CEP85L: variants seen among roughly 807,000 people sequenced by gnomAD.
The protein encoded by CEP85L is centrosomal protein 85L.
A neutral mutation model predicts 100.3 loss-of-function variants in CEP85L; 60 were observed. That is an observed-to-expected ratio of 0.60 (90% CI 0.49 to 0.74). The LOEUF (loss-of-function observed/expected upper bound fraction) is 0.74. Among genes scored for constraint, CEP85L ranks in the 30% least tolerant of loss-of-function variants. The pLI, the probability that CEP85L is intolerant of heterozygous loss-of-function variation, is 0.00. For synonymous variants in CEP85L, 319 were observed against 322.7 expected, an observed-to-expected ratio of 0.99 and a Z score of 0.12; for missense variants, 973 against 936.2, an observed-to-expected ratio of 1.04 and a Z score of -0.51.
chr6:118,605,932 T>C (rs1241317092), intron 2 of CEP85L, among the ~76,000 whole-genome samples: 1 of 149,894 alleles, frequency 6.7e-6, no homozygotes, highest in African/African-American at 2.5e-5. Context: ...GAGAATCGCT[T>C]GAACCCGGGA....
At chr6:118,501,920 G>A (rs1775331068) in intron 5 of CEP85L, 1 of 1,102,438 alleles carries the variant, frequency 9.1e-7, no homozygotes, top group Non-Finnish European at 1.3e-6. Flanking sequence ...AAGTTTAAAA[G>A]CAGTAATTTA....
At chr6:118,521,355 C>T (rs1482908450) in intron 4 of CEP85L, among the ~76,000 whole-genome samples, 3 of 152,076 alleles carry the variant, frequency 2.0e-5, no homozygotes, top group Non-Finnish European at 4.4e-5. Flanking sequence ...TTTTAAATGA[C>T]AGTTATGCTG....
intron 1 of CEP85L, among the ~76,000 whole-genome samples, chr6:118,675,770 T>C (rs1386722566): frequency 6.6e-6 from 1 of 150,904 alleles, no homozygotes; most frequent in Non-Finnish European, 1.5e-5. Context: ...AAGAAAAAAA[T>C]GAAATGGAAG....
chr6:118,482,272 T>A (rs577860609), intron 7 of CEP85L, among the ~76,000 whole-genome samples: 62 of 152,308 alleles, frequency 4.1e-4, no homozygotes, highest in African/African-American at 1.4e-3. Flanking sequence ...AGGTTGAGGT[T>A]AAGTACATTC....
intron 2 of CEP85L, among the ~76,000 whole-genome samples, chr6:118,566,746 T>C (rs1376562089): frequency 1.3e-5 from 2 of 152,202 alleles, no homozygotes; most frequent in Non-Finnish European, 2.9e-5. Context: ...AAAGACGTCC[T>C]CAAAATGAGT....
Position 118,519,570 on chromosome 6 carries a change from GTGTGTGTGT to G in CEP85L, c.1139+4223_1139+4231del, listed in dbSNP as rs1397615494. On this transcript the variant is annotated intron_variant, in intron 4 of 12. Transcript: ENST00000368491. Reference sequence around the variant, plus strand: ...TGTGTGTGTGTGTGTGTGTGTGTGTGTGTGTGTGTGTGGCGGGGGGGGGGTGTGAAACTC... The same window carrying G: ...TGTGTGTGTGTGTGTGTGTGTGTGTGGTGGCGGGGGGGGGGTGTGAAACTC... Among the ~76,000 whole-genome samples the G allele has an allele frequency of 2.5e-3, 31 of 12,478 alleles. 3 individuals carry two copies. Among genetic ancestry groups the G allele is most frequent in the African/African-American group, 5.9e-3 (29 of 4,950 alleles). The allele number at this position is 12,478 out of a possible 152,430, so 8.2% of individuals were successfully genotyped here.
At chr6:118,520,495 G>C (rs1776597597) in intron 4 of CEP85L, among the ~76,000 whole-genome samples, 1 of 152,090 alleles carries the variant, frequency 6.6e-6, no homozygotes, top group South Asian at 2.1e-4. Context: ...GATTAAATTA[G>C]AGCAATTAGC....
chr6:118,468,435 C>T (rs2114408541), intron 12 of CEP85L, among the ~76,000 whole-genome samples: 1 of 152,228 alleles, frequency 6.6e-6, no homozygotes, highest in Non-Finnish European at 1.5e-5. Flanking sequence ...GATTTGGAAC[C>T]ACGTACAGAG....
chr6:118,621,633 A>T (rs1463746162), intron 2 of CEP85L, among the ~76,000 whole-genome samples: 1 of 152,168 alleles, frequency 6.6e-6, no homozygotes, highest in African/African-American at 2.4e-5. Context: ...TGAATTTTCT[A>T]GCTAATCGAG....
intron 4 of CEP85L, among the ~76,000 whole-genome samples, chr6:118,519,865 A>G (rs1229011974): frequency 1.3e-5 from 2 of 152,172 alleles, no homozygotes; most frequent in East Asian, 1.9e-4. Flanking sequence ...AGATAAATAC[A>G]TTACAAGAAA....
At chr6:118,545,859 A>C (rs1778168976) in intron 3 of CEP85L, among the ~76,000 whole-genome samples, 1 of 152,202 alleles carries the variant, frequency 6.6e-6, no homozygotes, top group African/African-American at 2.4e-5. Flanking sequence ...CACTATGTAC[A>C]CTTCATGTCA....
At chr6:118,536,661 C>A (rs1396796919) in intron 3 of CEP85L, among the ~76,000 whole-genome samples, 12 of 152,084 alleles carry the variant, frequency 7.9e-5, no homozygotes, top group Admixed American at 7.9e-4. Context: ...AACTCCACAT[C>A]TGCAACTAGC....
intron 1 of CEP85L, among the ~76,000 whole-genome samples, chr6:118,688,180 T>G (rs1364429724): frequency 6.6e-6 from 1 of 152,296 alleles, no homozygotes; most frequent in African/African-American, 2.4e-5. Flanking sequence ...TTTTGTATTT[T>G]TAGTAGAGAC....
At chr6:118,527,955 T>C (rs1777070246) in intron 3 of CEP85L, among the ~76,000 whole-genome samples, 1 of 152,164 alleles carries the variant, frequency 6.6e-6, no homozygotes, top group African/African-American at 2.4e-5. Flanking sequence ...GGATTTATGG[T>C]CTCCTCTTCC....
chr6:118,488,605 A>T (rs1056591677), intron 6 of CEP85L, among the ~76,000 whole-genome samples: 1 of 152,138 alleles, frequency 6.6e-6, no homozygotes, highest in African/African-American at 2.4e-5. Context: ...GGAGAAAGGG[A>T]AAGAAAGCTT....
intron 5 of CEP85L, among the ~76,000 whole-genome samples, chr6:118,496,383 T>C (rs1001838380): frequency 4.6e-5 from 7 of 151,466 alleles, no homozygotes; most frequent in Non-Finnish European, 7.4e-5. Context: ...TTTATTTTAT[T>C]TTATTTTATT....
chr6:118,502,109 TG>T, intron 5 of CEP85L: 1 of 1,101,262 alleles, frequency 9.1e-7, no homozygotes, highest in Non-Finnish European at 1.3e-6. Flanking sequence ...CCTATGAGAC[TG>T]GGAATGACAA....
chr6:118,475,797 G>A (rs1175223453), intron 10 of CEP85L, among the ~76,000 whole-genome samples: 2 of 152,216 alleles, frequency 1.3e-5, no homozygotes, highest in South Asian at 2.1e-4. Context: ...AACTAAACTT[G>A]TTTTTTAAAT....
At chr6:118,636,307 G>C (rs1212642140) in intron 1 of CEP85L, among the ~76,000 whole-genome samples, 3 of 152,156 alleles carry the variant, frequency 2.0e-5, no homozygotes, top group Non-Finnish European at 2.9e-5. Context: ...TCATCCTAGA[G>C]TACATATCAG....
Sources: gnomAD v4.1 joint callset for allele counts (sites outside exome capture counted in the v4.1 genomes callset) on GRCh38, gnomAD v4.1.1 for gene constraint, MANE v1.5 for transcripts, NCBI Gene and HGNC (gene_info 2026-07-23, HGNC 2026-07-21) for gene names.